The following RAD54L2 variants were observed in gnomAD, a reference collection of about 807,000 sequenced individuals.
RAD54L2 encodes the protein helicase ARIP4.
RAD54L2 carries 27 observed loss-of-function variants against 138.4 expected under a neutral mutation model. The ratio of observed to expected loss-of-function variants is 0.20; its 90% CI spans 0.14 to 0.27. The LOEUF is 0.27. Among genes scored for constraint, RAD54L2 ranks in the 10% least tolerant of loss-of-function variants. The pLI, the probability that RAD54L2 is intolerant of heterozygous loss-of-function variation, is 1.00. For missense variants in RAD54L2, 1,396 were observed against 1,890.2 expected, an observed-to-expected ratio of 0.74 and a Z score of 4.85; for synonymous variants, 644 against 723.2, an observed-to-expected ratio of 0.89 and a Z score of 1.76.
intron 15 of RAD54L2, among the ~76,000 whole-genome samples, chr3:51,642,736 A>T (rs1238027817): frequency 6.6e-6 from 1 of 152,112 alleles, no homozygotes; most frequent in East Asian, 1.9e-4. Flanking sequence ...CACTGCCCTA[A>T]TAGAAGGATT....
At chr3:51,635,126 G>T (rs769288561) in intron 9 of RAD54L2, among the ~76,000 whole-genome samples, 9 of 152,186 alleles carry the variant, frequency 5.9e-5, no homozygotes, top group Non-Finnish European at 1.0e-4. Context: ...GACTTACTGA[G>T]GGTCATCTGG....
At chr3:51,601,673 A>G (rs1001828023) in intron 3 of RAD54L2, among the ~76,000 whole-genome samples, 2 of 151,462 alleles carry the variant, frequency 1.3e-5, no homozygotes, top group African/African-American at 2.4e-5. Flanking sequence ...TGAACTCCCG[A>G]CATCAGATAA....
In RAD54L2 at chr3:51,662,518, G is replaced by C; in HGVS notation, c.3502G>C (p.Val1168Leu). The change falls in exon 23 of 23, where the codon GTC (valine) becomes CTC (leucine). Residue 1168 changes from valine to leucine, a missense_variant. Around this residue, in one of 7 missense-constraint regions of RAD54L2, gnomAD observed 634 missense variants for 711.2 expected, o/e 0.89. Transcript: ENST00000684192. This position sits in a 1 kb window ranked among gnomAD's most constrained non-coding sequence, Gnocchi z 4.6. ...CGACCCTGAGGGGCTGGCCAGGCCCGTCTCTCCTGACAGCCCAGAGATCAT... is the reference window on the plus strand; with the variant it reads ...CGACCCTGAGGGGCTGGCCAGGCCCCTCTCTCCTGACAGCCCAGAGATCAT... Reference protein sequence around the residue: ...APDPEGLARPVSPDSPEIISE... With the variant: ...APDPEGLARPLSPDSPEIISE... 3 of 1,613,028 alleles carry C rather than the reference G, an allele frequency of 1.9e-6. No homozygotes were observed. Among genetic ancestry groups the C allele is most frequent in the South Asian group, 1.1e-5 (1 of 90,936 alleles).
At chr3:51,607,733 G>A (rs1185730354) in intron 3 of RAD54L2, among the ~76,000 whole-genome samples, 1 of 145,436 alleles carries the variant, frequency 6.9e-6, no homozygotes, top group African/African-American at 2.5e-5. Context: ...CGGGCAGAGG[G>A]GCTCCTTACT....
intron 19 of RAD54L2, among the ~76,000 whole-genome samples, chr3:51,651,861 C>T (rs919342726): frequency 6.6e-6 from 1 of 152,160 alleles, no homozygotes; most frequent in Admixed American, 6.6e-5. Context: ...GAAGCCTTCC[C>T]TTTGAAAACT....
intron 3 of RAD54L2, among the ~76,000 whole-genome samples, chr3:51,593,601 G>A (rs147294789): frequency 2.6e-3 from 389 of 152,240 alleles, no homozygotes; most frequent in Non-Finnish European, 4.3e-3. Context: ...CAAAGTGCTG[G>A]CATTACAGGC....
chr3:51,556,380 C>A (rs1285234769), intron 2 of RAD54L2, among the ~76,000 whole-genome samples: 2 of 152,010 alleles, frequency 1.3e-5, no homozygotes, highest in Non-Finnish European at 2.9e-5. Flanking sequence ...CCCATGCTAT[C>A]CTCTTAGGCG....
intron 15 of RAD54L2, 84 bp downstream of exon 15, chr3:51,641,951 C>A: frequency 1.0e-6 from 1 of 961,200 alleles, no homozygotes; most frequent in Non-Finnish European, 1.6e-6. Flanking sequence ...TCTCTTTCTC[C>A]ACTCCATCAA....
intron 2 of RAD54L2, among the ~76,000 whole-genome samples, chr3:51,582,766 C>CTTTTTTTTTTTTTTTTTTTTT (rs61245532): frequency 6.8e-5 from 10 of 147,320 alleles, no homozygotes; most frequent in African/African-American, 2.3e-4. Context: ...CCAGGGAAGT[C>CTTTTTTTTTTTTTTTTTTTTT]TTTTTTTTTT....
chr3:51,567,053 T>A (rs978555027), intron 2 of RAD54L2, among the ~76,000 whole-genome samples: 7 of 152,150 alleles, frequency 4.6e-5, no homozygotes, highest in African/African-American at 1.4e-4. Context: ...GAGGTCATAG[T>A]TACTCCTTTT....
At chr3:51,542,950 T>C (rs151044504) in intron 2 of RAD54L2, among the ~76,000 whole-genome samples, 7 of 152,216 alleles carry the variant, frequency 4.6e-5, no homozygotes, top group African/African-American at 1.7e-4. Flanking sequence ...CAGGCAGCAT[T>C]GTGTTCTATA....
intron 3 of RAD54L2, among the ~76,000 whole-genome samples, chr3:51,622,715 G>A (rs980430674): frequency 1.3e-4 from 20 of 152,138 alleles, no homozygotes; most frequent in African/African-American, 4.1e-4. Context: ...GAGAGGGTTG[G>A]GAGTAGTCTT....
chr3:51,578,072 A>G (rs967284211), intron 2 of RAD54L2, among the ~76,000 whole-genome samples: 2 of 152,144 alleles, frequency 1.3e-5, no homozygotes, highest in Non-Finnish European at 2.9e-5. Flanking sequence ...TCTGTACTCA[A>G]TGGCATCAGT....
intron 3 of RAD54L2, among the ~76,000 whole-genome samples, chr3:51,604,228 G>C (rs188025394): frequency 3.4e-4 from 52 of 152,314 alleles, no homozygotes; most frequent in African/African-American, 1.3e-3. Context: ...GGGAGGTACA[G>C]ATGGGGAGCA....
chr3:51,608,232 C>T (rs1272699015), intron 3 of RAD54L2, among the ~76,000 whole-genome samples: 5 of 149,058 alleles, frequency 3.4e-5, no homozygotes, highest in Non-Finnish European at 7.4e-5. Context: ...TCAGACGGGG[C>T]GGCGGGGCAG....
intron 3 of RAD54L2, among the ~76,000 whole-genome samples, chr3:51,608,428 G>C (rs1048592618): frequency 6.6e-6 from 1 of 152,156 alleles, no homozygotes; most frequent in South Asian, 2.1e-4. Context: ...ACGGGGTGGC[G>C]GCCGGGCAGA....
chr3:51,663,153 A>G lies in RAD54L2; in HGVS notation c.4137A>G (p.Leu1379=). 3 of 1,613,674 alleles carry G rather than the reference A, an allele frequency of 1.9e-6. No individual in the cohort carries two copies. The highest frequency in any genetic ancestry group is 2.5e-6 in the Non-Finnish European group (3 of 1,179,834). ...TCAACCCTTCTGTGCCAGGGATACT[A>G]CCCAGCTATTCACTCCCATTCTCAC... is the stretch of plus-strand genomic sequence containing the variant. ...FMLNPSVPGI[L]PSYSLPFSQP... The change falls in exon 23 of 23, where the codon CTA becomes CTG. Residue 1379 remains leucine, a synonymous_variant. Coordinates refer to ENST00000684192, the MANE Select transcript of RAD54L2 (RefSeq NM_015106.4).
intron 3 of RAD54L2, among the ~76,000 whole-genome samples, chr3:51,615,857 A>G (rs979435585): frequency 3.9e-5 from 6 of 152,162 alleles, no homozygotes; most frequent in African/African-American, 1.4e-4. Context: ...CTGGTTTATA[A>G]AGAATATTAC....
At chr3:51,572,846 G>C (rs1318573645) in intron 2 of RAD54L2, among the ~76,000 whole-genome samples, 1 of 151,560 alleles carries the variant, frequency 6.6e-6, no homozygotes, top group South Asian at 2.1e-4. Flanking sequence ...CACCATGTTG[G>C]CCAGGCCGGT....
Sources: allele counts gnomAD v4.1 joint callset (sites outside exome capture counted in the v4.1 genomes callset), GRCh38; gene constraint gnomAD v4.1.1; regional missense constraint gnomAD v4.1.1; non-coding constraint Gnocchi (gnomAD v3.1); transcripts MANE v1.5; gene names NCBI Gene and HGNC (gene_info 2026-07-23, HGNC 2026-07-21).